GALNT13: variants seen among roughly 807,000 people sequenced by gnomAD.
GALNT13 encodes polypeptide N-acetylgalactosaminyltransferase 13, also known as UDP-GalNAc:polypeptide N-acetylgalactosaminyltransferase 13.
GALNT13 carries 28 observed loss-of-function variants against 64.2 expected under a neutral mutation model. The ratio of observed to expected loss-of-function variants is 0.44; its 90% CI spans 0.32 to 0.60. The LOEUF is 0.60. Among genes scored for constraint, GALNT13 ranks in the 20% least tolerant of loss-of-function variants. The pLI is 0.05. For missense variants in GALNT13, 577 were observed against 669.8 expected (o/e 0.86, Z 1.53); for synonymous variants, 214 against 224.6 (o/e 0.95, Z 0.42).
At chr2:153,844,356 C>G in the GALNT13 span, among the ~76,000 whole-genome samples, 2 of 150,410 alleles carry the variant, frequency 1.3e-5, no homozygotes, top group Non-Finnish European at 3.0e-5. Context: ...GCAGTTCGAG[C>G]TGTACCTAGA....
At chr2:153,259,161 C>G in the GALNT13 span, among the ~76,000 whole-genome samples, 1 of 152,080 alleles carries the variant, frequency 6.6e-6, no homozygotes, top group African/African-American at 2.4e-5. Context: ...GAATTGACCC[C>G]CTTATCATTG....
the GALNT13 span, among the ~76,000 whole-genome samples, chr2:153,536,906 A>G: frequency 6.6e-6 from 1 of 152,262 alleles, no homozygotes; most frequent in South Asian, 2.1e-4. Flanking sequence ...AAATGAATGC[A>G]TATTTATAAA....
At chr2:154,026,460 T>A (rs1697971911) in intron 3 of GALNT13, among the ~76,000 whole-genome samples, 1 of 152,166 alleles carries the variant, frequency 6.6e-6, no homozygotes, top group African/African-American at 2.4e-5. Context: ...AGTGCTGCCA[T>A]CACAGAATAT....
At chr2:153,825,550 T>C in the GALNT13 span, among the ~76,000 whole-genome samples, 21 of 152,056 alleles carry the variant, frequency 1.4e-4, no homozygotes, top group Non-Finnish European at 2.1e-4. Context: ...CACTTAAGTT[T>C]TTTAGGAATG....
chr2:154,443,796 A>G (rs1350614097), intron 12 of GALNT13, among the ~76,000 whole-genome samples: 2 of 152,064 alleles, frequency 1.3e-5, no homozygotes, highest in Admixed American at 6.6e-5. Flanking sequence ...ATATATTTAA[A>G]GGCATGAATC....
rs80345386 is a variant in GALNT13, at chr2:154,345,354, A to G, written c.1156+43765A>G. 8.9e-3 allele frequency among the ~76,000 whole-genome samples: 1,358 copies of G among 152,140 alleles called. 7 individuals are homozygous for G. Among genetic ancestry groups the G allele is most frequent in the Non-Finnish European group, 0.013 (892 of 67,954 alleles). ...GGTTCAACAGTTTTCCATGTTCCCC[A>G]GGTTGAAGGTTTCCTCCTTAGAAAA... is the stretch of plus-strand genomic sequence containing the variant. On this transcript the variant is annotated intron_variant, in intron 9 of 12. Coordinates refer to ENST00000392825, the MANE Select transcript of GALNT13 (RefSeq NM_052917.4).
At chr2:153,622,497 A>G in the GALNT13 span, among the ~76,000 whole-genome samples, 19 of 152,268 alleles carry the variant, frequency 1.2e-4, no homozygotes, top group African/African-American at 4.6e-4. Context: ...AGGTTGAGGT[A>G]AGGCAAAGAT....
the GALNT13 span, among the ~76,000 whole-genome samples, chr2:153,135,881 A>ATT: frequency 6.6e-6 from 1 of 152,098 alleles, no homozygotes; most frequent in African/African-American, 2.4e-5. Context: ...TTTATATATG[A>ATT]TTCTGTGATG....
the GALNT13 span, among the ~76,000 whole-genome samples, chr2:153,336,868 C>A: frequency 5.3e-5 from 8 of 152,108 alleles, no homozygotes; most frequent in Non-Finnish European, 2.9e-5. Context: ...GTGGGAGGGA[C>A]CCAGGGGGAG....
At chr2:154,436,993 C>T (rs1701007999) in intron 11 of GALNT13, 1 of 152,108 alleles carries the variant, frequency 6.6e-6, no homozygotes, top group African/African-American at 2.4e-5. Context: ...ATCTGCCAAC[C>T]TCAGCCTCTC....
At chr2:154,329,680 T>TG (rs1490844356) in intron 9 of GALNT13, among the ~76,000 whole-genome samples, 1 of 151,598 alleles carries the variant, frequency 6.6e-6, no homozygotes, top group Non-Finnish European at 1.5e-5. Flanking sequence ...TAATGGGAGG[T>TG]GTTTGGGTCA....
At chr2:153,994,078 A>G (rs1384110641) in intron 3 of GALNT13, among the ~76,000 whole-genome samples, 2 of 151,798 alleles carry the variant, frequency 1.3e-5, no homozygotes, top group African/African-American at 4.8e-5. Context: ...ACCCCACCCC[A>G]TGACAGGCCC....
At chr2:153,195,328 C>T in the GALNT13 span, among the ~76,000 whole-genome samples, 2 of 152,158 alleles carry the variant, frequency 1.3e-5, no homozygotes, top group African/African-American at 4.8e-5. Flanking sequence ...GCTCACCCTA[C>T]CAGCCTGGAA....
At chr2:153,703,256 C>T in the GALNT13 span, among the ~76,000 whole-genome samples, 2 of 152,118 alleles carry the variant, frequency 1.3e-5, no homozygotes. Flanking sequence ...TTGTTTGTCT[C>T]ACCATTAAAA....
At chr2:153,431,762 T>C in the GALNT13 span, among the ~76,000 whole-genome samples, 4 of 152,344 alleles carry the variant, frequency 2.6e-5, no homozygotes, top group African/African-American at 7.2e-5. Context: ...CCCATTTCTT[T>C]TAAACATCTA....
At chr2:154,276,800 C>T (rs1035326606) in intron 8 of GALNT13, among the ~76,000 whole-genome samples, 1 of 152,158 alleles carries the variant, frequency 6.6e-6, no homozygotes, top group Non-Finnish European at 1.5e-5. Flanking sequence ...CTGCTGTTCT[C>T]ATGATGGTGA....
the GALNT13 span, among the ~76,000 whole-genome samples, chr2:153,788,587 A>C: frequency 6.6e-6 from 1 of 152,292 alleles, no homozygotes; most frequent in South Asian, 2.1e-4. Flanking sequence ...ACAGGATCAA[A>C]TCCACACATA....
chr2:153,682,952 G>A, the GALNT13 span, among the ~76,000 whole-genome samples: 2 of 151,710 alleles, frequency 1.3e-5, no homozygotes, highest in African/African-American at 2.4e-5. Flanking sequence ...GATTATTATA[G>A]TGATTGTTTC....
intron 11 of GALNT13, among the ~76,000 whole-genome samples, chr2:154,432,448 G>A (rs147582016): frequency 3.6e-4 from 55 of 152,256 alleles, no homozygotes; most frequent in Middle Eastern, 3.4e-3. Context: ...GGAAAAGGAG[G>A]TATGTTGGTT....
Sources: allele counts gnomAD v4.1 joint callset (sites outside exome capture counted in the v4.1 genomes callset), GRCh38; gene constraint gnomAD v4.1.1; transcripts MANE v1.5; gene names NCBI Gene and HGNC (gene_info 2026-07-23, HGNC 2026-07-21).